Variants in EEFSEC observed in about 807,000 individuals in gnomAD.
The protein encoded by EEFSEC is selenocysteine-specific elongation factor.
EEFSEC carries 43 observed loss-of-function variants against 42.1 expected under a neutral mutation model. That is an observed-to-expected ratio of 1.02 (90% CI 0.80 to 1.32). The LOEUF (loss-of-function observed/expected upper bound fraction) is 1.32. Ranked by LOEUF, EEFSEC falls within the 40% of genes most tolerant of loss-of-function variation. The probability of loss-of-function intolerance (pLI) is 0.00; values close to 1 mark genes in which losing one functional copy is unlikely to be tolerated. For synonymous variants in EEFSEC, 354 were observed against 339.1 expected (o/e 1.04, Z -0.48); for missense variants, 745 against 803.6 (o/e 0.93, Z 0.88).
chr3:128,184,872 G>A (rs953442387), intron 1 of EEFSEC, among the ~76,000 whole-genome samples: 6 of 152,084 alleles, frequency 3.9e-5, no homozygotes, highest in Non-Finnish European at 8.8e-5. Flanking sequence ...CCCAGACATG[G>A]TAAGAAATAC....
intron 4 of EEFSEC, among the ~76,000 whole-genome samples, chr3:128,294,822 T>C (rs1182749177): frequency 6.6e-6 from 1 of 152,268 alleles, no homozygotes; most frequent in Non-Finnish European, 1.5e-5. Context: ...CAGACTGTTC[T>C]GATATTTGAC....
rs937198755 is a variant in EEFSEC at position 128,322,910 on chromosome 3, T to A, written c.787-18323T>A. Among the ~76,000 whole-genome samples the A allele has an allele frequency of 6.8e-4, 104 of 152,300 alleles. 1 individual carries two copies. Among genetic ancestry groups the A allele is most frequent in the Non-Finnish European group, 4.7e-4 (32 of 68,016 alleles). ...ATCCAGCTGTCACTTTGTTAGGAAGTACCCTCTGACTCTGCAGATTGGTGG... is the reference window on the plus strand; with the variant it reads ...ATCCAGCTGTCACTTTGTTAGGAAGAACCCTCTGACTCTGCAGATTGGTGG... On this transcript the variant is annotated intron_variant, in intron 4 of 6. Transcript: ENST00000254730.
chr3:128,259,802 C>T (rs536338831), intron 2 of EEFSEC, among the ~76,000 whole-genome samples: 1 of 152,258 alleles, frequency 6.6e-6, no homozygotes, highest in South Asian at 2.1e-4. Flanking sequence ...GTGGTTCATC[C>T]ACACTGAAGT....
At chr3:128,228,143 G>A (rs1410973207) in intron 1 of EEFSEC, among the ~76,000 whole-genome samples, 2 of 152,170 alleles carry the variant, frequency 1.3e-5, no homozygotes, top group Non-Finnish European at 2.9e-5. Flanking sequence ...ATACATATTT[G>A]TTGAGCACCT....
At chr3:128,178,043 T>A (rs2065369224) in intron 1 of EEFSEC, among the ~76,000 whole-genome samples, 2 of 152,216 alleles carry the variant, frequency 1.3e-5, no homozygotes, top group Non-Finnish European at 2.9e-5. Context: ...TTTATGTGCA[T>A]GTTGGTACAT....
chr3:128,361,764 G>A (rs1295974255), intron 6 of EEFSEC, among the ~76,000 whole-genome samples: 1 of 152,192 alleles, frequency 6.6e-6, no homozygotes, highest in African/African-American at 2.4e-5. Flanking sequence ...CAAAGACCTT[G>A]CCATTTGCAG....
Position 128,355,387 on chromosome 3 carries a change from C to T in EEFSEC, c.1444-2830C>T, listed in dbSNP as rs537370100. Among the ~76,000 whole-genome samples, 146 of 151,926 alleles carry T rather than the reference C, an allele frequency of 9.6e-4. 1 individual carries two copies. The highest frequency in any genetic ancestry group is 6.8e-3 in the Middle Eastern group (2 of 294). On this transcript the variant is annotated intron_variant, in intron 5 of 6. Coordinates refer to ENST00000254730, the MANE Select transcript of EEFSEC (RefSeq NM_021937.5). ...GGGCCTTGGGTGGGGGTAGAGTCCC[C>T]GGTGCACAAGCTGGGACTAGCATTA...
At chr3:128,207,566 T>C (rs1174464171) in intron 1 of EEFSEC, among the ~76,000 whole-genome samples, 1 of 142,484 alleles carries the variant, frequency 7.0e-6, no homozygotes, top group Non-Finnish European at 1.5e-5. Context: ...ACACATTGCA[T>C]ACACACACAC....
chr3:128,384,803 A>G (rs2067819415), intron 6 of EEFSEC, among the ~76,000 whole-genome samples: 2 of 152,112 alleles, frequency 1.3e-5, no homozygotes, highest in Non-Finnish European at 2.9e-5. Context: ...ACTCCTCCTC[A>G]CTGTCTGCCA....
intron 6 of EEFSEC, among the ~76,000 whole-genome samples, chr3:128,406,153 A>C (rs1263714029): frequency 6.6e-6 from 1 of 152,206 alleles, no homozygotes; most frequent in Non-Finnish European, 1.5e-5. Flanking sequence ...ACCCACTCCC[A>C]CAGATGCAGA....
chr3:128,170,282 G>T (rs899313125), intron 1 of EEFSEC, among the ~76,000 whole-genome samples: 1 of 152,170 alleles, frequency 6.6e-6, no homozygotes, highest in African/African-American at 2.4e-5. Flanking sequence ...CTTTCTTGAG[G>T]CTGGGCACGG....
intron 1 of EEFSEC, among the ~76,000 whole-genome samples, chr3:128,198,358 G>A (rs1404020343): frequency 6.6e-6 from 1 of 151,836 alleles, no homozygotes; most frequent in African/African-American, 2.4e-5. Flanking sequence ...TTCTTCCTGA[G>A]AAGTAGTTCT....
chr3:128,324,521 A>G (rs543960890), intron 4 of EEFSEC, among the ~76,000 whole-genome samples: 1 of 152,164 alleles, frequency 6.6e-6, no homozygotes, highest in South Asian at 2.1e-4. Context: ...TGAATGCCTT[A>G]CTCCATGGAG....
At chr3:128,406,130 G>A (rs771071735) in intron 6 of EEFSEC, among the ~76,000 whole-genome samples, 13 of 152,172 alleles carry the variant, frequency 8.5e-5, no homozygotes, top group Non-Finnish European at 1.5e-4. Context: ...GAACTGCTCC[G>A]AGCCCTGGGC....
At chr3:128,202,843 G>T (rs1389429536) in intron 1 of EEFSEC, among the ~76,000 whole-genome samples, 1 of 152,144 alleles carries the variant, frequency 6.6e-6, no homozygotes, top group Non-Finnish European at 1.5e-5. Flanking sequence ...TCCTAGTGTG[G>T]TGAATGGTTT....
At chr3:128,358,499 G>A in intron 6 of EEFSEC, 126 bp downstream of exon 6, 3 of 1,375,178 alleles carry the variant, frequency 2.2e-6, no homozygotes, top group Admixed American at 2.2e-5. Flanking sequence ...GACACGGGGT[G>A]ACTTGGCCTG....
At chr3:128,389,479 G>A (rs115749504) in intron 6 of EEFSEC, among the ~76,000 whole-genome samples, 2,197 of 152,348 alleles carry the variant, frequency 0.014, 49 homozygotes, top group African/African-American at 0.05. Flanking sequence ...ACAAGTGGTT[G>A]GTGGTAAACC....
chr3:128,227,344 C>T (rs949404625), intron 1 of EEFSEC, among the ~76,000 whole-genome samples: 2 of 152,016 alleles, frequency 1.3e-5, no homozygotes, highest in African/African-American at 4.8e-5. Flanking sequence ...TGGTCTCCTG[C>T]TCTCCCAGTA....
intron 4 of EEFSEC, among the ~76,000 whole-genome samples, chr3:128,304,425 T>C (rs767015888): frequency 2.0e-5 from 3 of 152,136 alleles, no homozygotes; most frequent in Non-Finnish European, 4.4e-5. Flanking sequence ...ATTTTCGTTA[T>C]AATTTAAAAT....
Sources: gnomAD v4.1 joint callset for allele counts (sites outside exome capture counted in the v4.1 genomes callset) on GRCh38, gnomAD v4.1.1 for gene constraint, MANE v1.5 for transcripts, NCBI Gene and HGNC (gene_info 2026-07-23, HGNC 2026-07-21) for gene names.